Variants in PDE10A observed in about 807,000 individuals in gnomAD.
The protein encoded by PDE10A is cAMP and cAMP-inhibited cGMP 3',5'-cyclic phosphodiesterase 10A.
In PDE10A, 39 loss-of-function variants were observed where a neutral mutation model predicts 97.7. The observed-to-expected ratio is 0.40, with a 90% confidence interval of 0.31 to 0.52. The LOEUF is 0.52. Among genes scored for constraint, PDE10A ranks in the 20% least tolerant of loss-of-function variants. PDE10A has a pLI of 0.56. For synonymous variants in PDE10A, 371 were observed against 376.8 expected, an observed-to-expected ratio of 0.98 and a Z score of 0.18; for missense variants, 731 against 1,047.8, an observed-to-expected ratio of 0.70 and a Z score of 4.17.
At chr6:165,815,640 G>T (rs1234073117) in intron 1 of PDE10A, among the ~76,000 whole-genome samples, 1 of 152,178 alleles carries the variant, frequency 6.6e-6, no homozygotes, top group African/African-American at 2.4e-5. Context: ...CGGTGCTGAG[G>T]TCCTAGCAGT....
Position 165,842,645 on chromosome 6 carries a change from G to A in PDE10A, c.-615+144884C>T, listed in dbSNP as rs548271360. 5.4e-4 allele frequency among the ~76,000 whole-genome samples: 82 copies of A among 152,296 alleles called. 1 individual carries two copies. Among genetic ancestry groups the A allele is most frequent in the African/African-American group, 1.8e-3 (76 of 41,566 alleles). ...GTGATGTTTGCTGCAATACATCAGC[G>A]TTTATTGTGGGCCAAGGACGGTCAT... is the stretch of plus-strand genomic sequence containing the variant. On this transcript the variant is annotated intron_variant, in intron 1 of 19. Transcript: ENST00000366882.
intron 10 of PDE10A, among the ~76,000 whole-genome samples, chr6:165,427,892 G>T (rs912304235): frequency 3.3e-5 from 5 of 151,936 alleles, no homozygotes; most frequent in Non-Finnish European, 5.9e-5. Flanking sequence ...ATCACATAAA[G>T]AATGTGCTGA....
intron 1 of PDE10A, among the ~76,000 whole-genome samples, chr6:165,614,068 C>T (rs978946038): frequency 5.3e-5 from 8 of 152,294 alleles, no homozygotes; most frequent in Middle Eastern, 3.4e-3. Context: ...GCTAATTATG[C>T]GGCTCAGACA....
chr6:165,789,530 A>G (rs933704823), intron 1 of PDE10A, among the ~76,000 whole-genome samples: 2 of 152,208 alleles, frequency 1.3e-5, no homozygotes, highest in African/African-American at 2.4e-5. Context: ...ATTCCTGGCC[A>G]CTAGTGATTT....
chr6:165,550,740 C>T (rs1014206552), intron 1 of PDE10A, among the ~76,000 whole-genome samples: 1 of 152,176 alleles, frequency 6.6e-6, no homozygotes, highest in Non-Finnish European at 1.5e-5. Context: ...AATTCAACTT[C>T]AGGCAGAATG....
intron 1 of PDE10A, among the ~76,000 whole-genome samples, chr6:165,854,624 T>G (rs1780667344): frequency 6.6e-6 from 1 of 151,414 alleles, no homozygotes; most frequent in African/African-American, 2.4e-5. Flanking sequence ...TTGCTGGAGG[T>G]GAGGGGAGCG....
Position 165,533,591 on chromosome 6 carries a change from C to T in PDE10A, c.994+9849G>A, listed in dbSNP as rs532259218. Among the ~76,000 whole-genome samples the T allele has an allele frequency of 2.0e-4, 31 of 152,236 alleles. 1 individual carries two copies. The highest frequency in any genetic ancestry group is 7.2e-4 in the African/African-American group (30 of 41,548). ...ATAGTGGATACTCAATAAATACTTGCTCATTGGCATACTAAATGACTAGCC... is the reference window on the plus strand; with the variant it reads ...ATAGTGGATACTCAATAAATACTTGTTCATTGGCATACTAAATGACTAGCC... On this transcript the variant is annotated intron_variant, in intron 2 of 21. Transcript: ENST00000539869.
chr6:165,831,627 G>A (rs1779918753), intron 1 of PDE10A, among the ~76,000 whole-genome samples: 1 of 151,548 alleles, frequency 6.6e-6, no homozygotes, highest in Non-Finnish European at 1.5e-5. Flanking sequence ...ACGGACTACA[G>A]GCGCCCGCCA....
intron 1 of PDE10A, among the ~76,000 whole-genome samples, chr6:165,675,085 C>T (rs1190504275): frequency 6.6e-6 from 1 of 152,258 alleles, no homozygotes; most frequent in Non-Finnish European, 1.5e-5. Flanking sequence ...GTGAAGACAT[C>T]GCAATAATTT....
chr6:165,829,611 T>C (rs1779854715), intron 1 of PDE10A, among the ~76,000 whole-genome samples: 1 of 152,204 alleles, frequency 6.6e-6, no homozygotes, highest in Admixed American at 6.5e-5. Context: ...AGCACCTCTG[T>C]GTAAGGGTAA....
intron 1 of PDE10A, among the ~76,000 whole-genome samples, chr6:165,895,476 A>G (rs1051539858): frequency 1.3e-5 from 2 of 152,266 alleles, no homozygotes; most frequent in Middle Eastern, 3.4e-3. Flanking sequence ...CCACACCTCA[A>G]TCTCAGACTT....
intron 21 of PDE10A, among the ~76,000 whole-genome samples, chr6:165,333,692 A>G (rs1161787460): frequency 2.6e-5 from 4 of 152,340 alleles, no homozygotes; most frequent in East Asian, 1.9e-4. Flanking sequence ...GTGCTCTGGT[A>G]AGTCCTCACC....
intron 18 of PDE10A, among the ~76,000 whole-genome samples, chr6:165,354,729 GA>G (rs1182730733): frequency 3.9e-5 from 6 of 152,278 alleles, no homozygotes; most frequent in African/African-American, 1.4e-4. Flanking sequence ...TGTTACAGGG[GA>G]AATGATGTCT....
chr6:165,910,537 TA>T (rs1475265732), intron 1 of PDE10A, among the ~76,000 whole-genome samples: 1 of 152,226 alleles, frequency 6.6e-6, no homozygotes, highest in African/African-American at 2.4e-5. Flanking sequence ...TTTCTTTTAA[TA>T]ACATCTTGGG....
chr6:165,537,130 A>G (rs1783135303), intron 2 of PDE10A, among the ~76,000 whole-genome samples: 1 of 151,970 alleles, frequency 6.6e-6, no homozygotes, highest in Admixed American at 6.5e-5. Context: ...CAACCCTATC[A>G]TTTGCAGCAA....
intron 2 of PDE10A, among the ~76,000 whole-genome samples, chr6:165,508,312 T>C (rs1175720548): frequency 6.6e-6 from 1 of 152,060 alleles, no homozygotes; most frequent in Non-Finnish European, 1.5e-5. Context: ...CAGAGTAGCA[T>C]AGTACAGTCC....
intron 1 of PDE10A, among the ~76,000 whole-genome samples, chr6:165,627,329 ATATTTTGTTTC>A (rs1189925102): frequency 2.0e-5 from 3 of 152,212 alleles, no homozygotes; most frequent in African/African-American, 4.8e-5. Flanking sequence ...TATTAATGAT[ATATTTTGTTTC>A]TATTTTGTTT....
chr6:165,688,188 C>T (rs1305641041), intron 1 of PDE10A, among the ~76,000 whole-genome samples: 1 of 152,102 alleles, frequency 6.6e-6, no homozygotes, highest in Non-Finnish European at 1.5e-5. Context: ...TATAATGATA[C>T]AGTTTAAAAA....
chr6:165,985,114 G>A (rs1048325633), intron 1 of PDE10A, among the ~76,000 whole-genome samples: 4 of 152,166 alleles, frequency 2.6e-5, no homozygotes, highest in African/African-American at 7.2e-5. Flanking sequence ...GGAAGGAATC[G>A]GTCACACAAA....
Sources: allele counts gnomAD v4.1 joint callset (sites outside exome capture counted in the v4.1 genomes callset), GRCh38; gene constraint gnomAD v4.1.1; transcripts MANE v1.5; gene names NCBI Gene and HGNC (gene_info 2026-07-23, HGNC 2026-07-21).